RANBP2: variants seen among roughly 807,000 people sequenced by gnomAD.
RANBP2 encodes the protein RAN binding protein 2.
RANBP2 carries 57 observed loss-of-function variants against 303.6 expected under a neutral mutation model. The observed-to-expected ratio is 0.19, with a 90% confidence interval of 0.15 to 0.23. RANBP2 has a LOEUF of 0.23. RANBP2 is among the 10% of genes least tolerant of loss of function. RANBP2 has a pLI of 1.00. For synonymous variants in RANBP2, 1,167 were observed against 1,301.5 expected, an observed-to-expected ratio of 0.90 and a Z score of 2.23; for missense variants, 3,138 against 3,780.8, an observed-to-expected ratio of 0.83 and a Z score of 4.46.
the RANBP2 span, among the ~76,000 whole-genome samples, chr2:109,349,204 C>A: frequency 6.6e-6 from 1 of 152,202 alleles, no homozygotes; most frequent in Non-Finnish European, 1.5e-5. Flanking sequence ...GAGAACCATG[C>A]ACAGTGTTTT....
At chr2:108,869,873 C>CA in the RANBP2 span, among the ~76,000 whole-genome samples, 129 of 151,526 alleles carry the variant, frequency 8.5e-4, no homozygotes, top group African/African-American at 2.8e-3. Flanking sequence ...AGATTTTCAG[C>CA]AAAAAAAATC....
the RANBP2 span, among the ~76,000 whole-genome samples, chr2:109,727,353 G>GT: frequency 2.6e-5 from 4 of 152,086 alleles, no homozygotes; most frequent in Admixed American, 2.6e-4. Context: ...CATGAGATAG[G>GT]TTTTATCTTT....
chr2:109,702,984 A>G, the RANBP2 span, among the ~76,000 whole-genome samples: 2 of 152,158 alleles, frequency 1.3e-5, no homozygotes, highest in African/African-American at 4.8e-5. Flanking sequence ...TGATAATTAT[A>G]TTACAAAAAT....
At chr2:109,412,093 T>C in the RANBP2 span, among the ~76,000 whole-genome samples, 4 of 152,316 alleles carry the variant, frequency 2.6e-5, no homozygotes, top group Admixed American at 1.3e-4. Flanking sequence ...TTGCTTTACG[T>C]TGGACTCACG....
At chr2:109,441,413 C>T in the RANBP2 span, among the ~76,000 whole-genome samples, 2 of 152,116 alleles carry the variant, frequency 1.3e-5, no homozygotes, top group South Asian at 4.2e-4. Flanking sequence ...CAAGAATATA[C>T]TAGATGGAAT....
At chr2:108,816,091 G>A in the RANBP2 span, 18 of 1,609,366 alleles carry the variant, frequency 1.1e-5, no homozygotes, top group East Asian at 3.3e-4. Flanking sequence ...TGATATTCAG[G>A]AGAAGTGTGT....
the RANBP2 span, among the ~76,000 whole-genome samples, chr2:109,138,367 A>T: frequency 6.6e-6 from 1 of 152,184 alleles, no homozygotes; most frequent in East Asian, 1.9e-4. Context: ...GGGAGAAAGT[A>T]GTGGGGTTTC....
chr2:109,516,733 C>T, the RANBP2 span, among the ~76,000 whole-genome samples: 1 of 152,392 alleles, frequency 6.6e-6, no homozygotes, highest in East Asian at 1.9e-4. Flanking sequence ...GCGGGATCCC[C>T]TCGACCGAAC....
chr2:109,442,099 C>T, the RANBP2 span, among the ~76,000 whole-genome samples: 1 of 151,890 alleles, frequency 6.6e-6, no homozygotes, highest in Non-Finnish European at 1.5e-5. Context: ...ATCACGAGGT[C>T]AGGAGATTGA....
chr2:109,632,291 T>C, the RANBP2 span, among the ~76,000 whole-genome samples: 3 of 152,128 alleles, frequency 2.0e-5, no homozygotes, highest in Admixed American at 2.0e-4. Flanking sequence ...TGATCAAACC[T>C]AAGGGGGTCA....
chr2:109,484,679 A>G, the RANBP2 span, among the ~76,000 whole-genome samples: 2 of 152,218 alleles, frequency 1.3e-5, no homozygotes, highest in African/African-American at 4.8e-5. Context: ...CTTAAATTAA[A>G]AAGAAACTCA....
the RANBP2 span, among the ~76,000 whole-genome samples, chr2:109,682,062 A>G: frequency 3.9e-5 from 6 of 152,222 alleles, no homozygotes; most frequent in Non-Finnish European, 8.8e-5. Flanking sequence ...CAACCAGACT[A>G]GTTGAGGAAA....
chr2:109,248,805 T>TTC, the RANBP2 span, among the ~76,000 whole-genome samples: 2,751 of 151,774 alleles, frequency 0.018, 94 homozygotes, highest in African/African-American at 0.063. Context: ...CTGTCTCTCT[T>TTC]TCTCTTTCGT....
the RANBP2 span, among the ~76,000 whole-genome samples, chr2:109,167,306 C>T: frequency 4.6e-5 from 7 of 152,184 alleles, no homozygotes; most frequent in South Asian, 2.1e-4. Flanking sequence ...TGCGGTAGAA[C>T]CAATTAGAAC....
the RANBP2 span, among the ~76,000 whole-genome samples, chr2:109,179,003 A>AGTGTGTGTGTG: frequency 1.4e-5 from 2 of 142,066 alleles, no homozygotes; most frequent in African/African-American, 2.6e-5. Context: ...AAGTATAATA[A>AGTGTGTGTGTG]TGTGTGTGTG....
chr2:109,457,493 A>G, the RANBP2 span, among the ~76,000 whole-genome samples: 1 of 152,374 alleles, frequency 6.6e-6, no homozygotes, highest in Admixed American at 6.5e-5. Context: ...CACCCTCCCC[A>G]AAGGGCACTG....
At chr2:109,575,732 CT>C in the RANBP2 span, among the ~76,000 whole-genome samples, 1 of 152,208 alleles carries the variant, frequency 6.6e-6, no homozygotes, top group East Asian at 1.9e-4. Context: ...GTCAAATTCC[CT>C]GGAAACCTTT....
chr2:109,146,338 A>G, the RANBP2 span, among the ~76,000 whole-genome samples: 2 of 152,138 alleles, frequency 1.3e-5, no homozygotes, highest in Admixed American at 1.3e-4. Flanking sequence ...CAGCTTCCCA[A>G]AGGTGGCCAG....
At chr2:109,129,839 T>C in the RANBP2 span, 4 of 1,535,096 alleles carry the variant, frequency 2.6e-6, no homozygotes, top group African/African-American at 4.2e-5. Flanking sequence ...TGCCGCATCC[T>C]GGTGGGCTGC....
Sources: gnomAD v4.1 joint callset for allele counts (sites outside exome capture counted in the v4.1 genomes callset) on GRCh38, gnomAD v4.1.1 for gene constraint, MANE v1.5 for transcripts, NCBI Gene and HGNC (gene_info 2026-07-23, HGNC 2026-07-21) for gene names.